RCC1L: variants seen among roughly 807,000 people sequenced by gnomAD.
The protein encoded by RCC1L is RCC1 like.
A neutral mutation model predicts 58.6 loss-of-function variants in RCC1L; 46 were observed. The ratio of observed to expected loss-of-function variants is 0.79; its 90% CI spans 0.62 to 1.00. The LOEUF is 1.00. RCC1L is among the 50% of genes least tolerant of loss of function. The probability of loss-of-function intolerance (pLI) is 0.00; values close to 1 mark genes in which losing one functional copy is unlikely to be tolerated. For synonymous variants in RCC1L, 281 were observed against 262.9 expected (o/e 1.07, Z -0.67); for missense variants, 636 against 623.6 (o/e 1.02, Z -0.21).
In RCC1L at chr7:75,072,161, C is replaced by CATATATATATATAT. The variant is rs1165938365; in HGVS notation, c.324+1239_324+1252dup. On this transcript the variant is annotated intron_variant, in intron 1 of 10. Coordinates refer to ENST00000610322, the MANE Select transcript of RCC1L (RefSeq NM_030798.5). Reference sequence around the variant, plus strand: ...ATTTATACATATACATATACATATACATATATATATATATATATATATATA... The same window carrying CATATATATATATAT: ...ATTTATACATATACATATACATATACATATATATATATATATATATATATATATATATATATATA... Among the ~76,000 whole-genome samples the CATATATATATATAT allele has an allele frequency of 6.4e-3, 298 of 46,270 alleles. 7 individuals carry two copies. Among genetic ancestry groups the CATATATATATATAT allele is most frequent in the African/African-American group, 0.014 (244 of 17,168 alleles). 30.4% of individuals were successfully genotyped at this position (46,270 alleles called of 152,430 possible).
At chr7:75,072,163 T>TATATATATATATATATACATATAC (rs1806773740) in intron 1 of RCC1L, among the ~76,000 whole-genome samples, 1 of 44,362 alleles carries the variant, frequency 2.3e-5, no homozygotes, top group African/African-American at 1.4e-4. Flanking sequence ...TACATATACA[T>TATATATATATATATATACATATAC]ATATATATAT....
At chr7:75,047,651 T>C (rs1402534996) in intron 10 of RCC1L, among the ~76,000 whole-genome samples, 1 of 151,116 alleles carries the variant, frequency 6.6e-6, no homozygotes, top group Admixed American at 6.6e-5. Flanking sequence ...TAAAATTATA[T>C]ATATATATTT....
chr7:75,072,634 C>T (rs1806805991), intron 1 of RCC1L, among the ~76,000 whole-genome samples: 1 of 152,092 alleles, frequency 6.6e-6, no homozygotes, highest in African/African-American at 2.4e-5. Flanking sequence ...ATGAGAAAAC[C>T]GGGGCTTCCA....
intron 9 of RCC1L, among the ~76,000 whole-genome samples, chr7:75,054,714 G>A (rs1036690488): frequency 3.3e-5 from 5 of 152,112 alleles, no homozygotes; most frequent in African/African-American, 9.7e-5. Flanking sequence ...CTCGGGAGGC[G>A]GAGGTTGCAG....
intron 10 of RCC1L, among the ~76,000 whole-genome samples, chr7:75,029,407 G>C (rs1208062822): frequency 6.7e-6 from 1 of 148,976 alleles, no homozygotes. Context: ...GCAGTGGTGC[G>C]ATCTCGGTTC....
At chr7:75,069,686 G>A (rs377703646) in intron 2 of RCC1L, among the ~76,000 whole-genome samples, 5 of 152,078 alleles carry the variant, frequency 3.3e-5, no homozygotes, top group South Asian at 4.2e-4. Context: ...CTCAGCCTCC[G>A]AAGTAGCTGG....
chr7:75,043,233 C>T (rs991780773), intron 10 of RCC1L, 124 bp from the exon 11 acceptor site: 7 of 1,096,832 alleles, frequency 6.4e-6, no homozygotes, highest in African/African-American at 1.5e-5. Context: ...CTTGTCTCAG[C>T]AGGAGACAGC....
chr7:75,059,313 A>G (rs1270405133), intron 6 of RCC1L, among the ~76,000 whole-genome samples: 3 of 148,696 alleles, frequency 2.0e-5, no homozygotes, highest in African/African-American at 5.0e-5. Flanking sequence ...CTCTGGCTGC[A>G]GCGCAGTGGT....
intron 2 of RCC1L, 82 bp downstream of exon 2, chr7:75,070,556 TGA>T (rs1806685356): frequency 6.5e-7 from 1 of 1,540,978 alleles, no homozygotes; most frequent in Admixed American, 1.9e-5. Flanking sequence ...GGCAACAGAC[TGA>T]GACTCTGTCT....
At chr7:75,067,244 T>C (rs1472617869) in intron 2 of RCC1L, among the ~76,000 whole-genome samples, 3 of 148,480 alleles carry the variant, frequency 2.0e-5, no homozygotes, top group Non-Finnish European at 3.0e-5. Context: ...GAGGTTGCAG[T>C]GAGCTGAGAT....
At chr7:75,046,098 G>T (rs1563072664) in intron 10 of RCC1L, among the ~76,000 whole-genome samples, 1 of 152,236 alleles carries the variant, frequency 6.6e-6, no homozygotes, top group Non-Finnish European at 1.5e-5. Flanking sequence ...CCTACGCCAG[G>T]AGACAAGACC....
chr7:75,070,943 G>A (rs1157902879), intron 1 of RCC1L, among the ~76,000 whole-genome samples, 174 bp from the exon 2 acceptor site: 2 of 151,912 alleles, frequency 1.3e-5, no homozygotes, highest in African/African-American at 2.4e-5. Flanking sequence ...GCGCAATCTC[G>A]GCTCACTGCA....
chr7:75,063,745 C>A (rs891951657), intron 4 of RCC1L, among the ~76,000 whole-genome samples: 2 of 151,926 alleles, frequency 1.3e-5, no homozygotes, highest in African/African-American at 2.4e-5. Context: ...ATGAAGAAAC[C>A]CCATCTCTAC....
intron 1 of RCC1L, among the ~76,000 whole-genome samples, chr7:75,071,102 C>T (rs587647620): frequency 5.9e-5 from 9 of 152,180 alleles, no homozygotes; most frequent in South Asian, 2.1e-4. Flanking sequence ...GTGATCTGTC[C>T]GCCTTGGCTT....
chr7:75,052,219 G>T (rs1805934173), intron 10 of RCC1L, among the ~76,000 whole-genome samples: 2 of 152,238 alleles, frequency 1.3e-5, no homozygotes, highest in Non-Finnish European at 2.9e-5. Context: ...TAAATTCATT[G>T]TGAAGCATTC....
At position 75,031,777 on chromosome 7, in the gene RCC1L, G is replaced by A. The variant is rs1396130815; in HGVS notation, c.1318-3698C>T. 4.6e-5 allele frequency among the ~76,000 whole-genome samples: 7 copies of A among 152,312 alleles called. No individual in the cohort carries two copies. In the South Asian group the frequency reaches 1.0e-3, roughly 23 times the overall value. ...TATTTATAGGTCACATTTTCTGTGG[G>A]TCAGGAATTCAGGAAGTTTGGCTGA... On this transcript the variant is annotated intron_variant, in intron 10 of 10. Transcript: ENST00000614461.
intron 2 of RCC1L, among the ~76,000 whole-genome samples, chr7:75,067,216 G>C (rs1339339120): frequency 6.6e-6 from 1 of 151,978 alleles, no homozygotes; most frequent in Non-Finnish European, 1.5e-5. Flanking sequence ...CAGAAGAACT[G>C]CTTGAACCCG....
At chr7:75,062,080 C>T (rs1806293798) in intron 5 of RCC1L, among the ~76,000 whole-genome samples, 2 of 151,964 alleles carry the variant, frequency 1.3e-5, no homozygotes, top group African/African-American at 4.8e-5. Flanking sequence ...CCCAGCAACT[C>T]GGGAGTCTGA....
rs587660175 is a variant in RCC1L at position 75,071,598 on chromosome 7, C to A, written c.325-829G>T. Among the ~76,000 whole-genome samples, 3 of 152,246 alleles carry A rather than the reference C, an allele frequency of 2.0e-5. No homozygotes were observed. In the South Asian group the frequency reaches 6.2e-4, roughly 32 times the overall value. ...GAGGTTGCAGTGAGCCAAGATGGCG[C>A]CACTGCATTCCAGCCTGGGTGACAG... On this transcript the variant is annotated intron_variant, in intron 1 of 10. Transcript: ENST00000610322.
Sources: allele counts gnomAD v4.1 joint callset (sites outside exome capture counted in the v4.1 genomes callset), GRCh38; gene constraint gnomAD v4.1.1; transcripts MANE v1.5; gene names NCBI Gene and HGNC (gene_info 2026-07-23, HGNC 2026-07-21).